Variants in NUP98 observed in about 807,000 individuals in gnomAD.
NUP98 encodes nucleoporin 98 and 96 precursor.
In NUP98, 26 loss-of-function variants were observed where a neutral mutation model predicts 191.9. The observed-to-expected ratio is 0.14, with a 90% CI of 0.10 to 0.19. The LOEUF (loss-of-function observed/expected upper bound fraction) is 0.19, where lower values mean the gene tolerates loss of function less well. Ranked by LOEUF, NUP98 falls within the 10% of genes least tolerant of loss-of-function variation. The pLI is 1.00. For synonymous variants in NUP98, 808 were observed against 778.4 expected, an observed-to-expected ratio of 1.04 and a Z score of -0.63; for missense variants, 1,941 against 2,178.8, an observed-to-expected ratio of 0.89 and a Z score of 2.17.
chr11:3,723,697 T>G lies in NUP98; in HGVS notation c.1848-242A>C, dbSNP rs149066769. Among the ~76,000 whole-genome samples the G allele has an allele frequency of 5.5e-3, 830 of 152,116 alleles. 12 individuals carry two copies. Among genetic ancestry groups the G allele is most frequent in the African/African-American group, 0.019 (791 of 41,528 alleles). ...TTAAGATTAAAAACTGAAAAAAATGTTAGATTTTTAAGATTACAATCAACA... is the reference window on the plus strand; with the variant it reads ...TTAAGATTAAAAACTGAAAAAAATGGTAGATTTTTAAGATTACAATCAACA... On this transcript the variant is annotated intron_variant, in intron 15 of 32. Coordinates refer to ENST00000324932, the MANE Select transcript of NUP98 (RefSeq NM_016320.5).
Position 3,712,416 on chromosome 11 carries a change from C to CT in NUP98, c.2742+147dup, listed in dbSNP as rs2079046782. 7 of 1,435,614 alleles carry CT rather than the reference C, an allele frequency of 4.9e-6. No homozygotes were observed. In the South Asian group the frequency reaches 1.1e-4, roughly 23 times the overall value. The allele number at this position is 1,435,614 out of a possible 1,614,324, so 88.9% of individuals were successfully genotyped here. A position where few individuals can be genotyped will look rare whatever the true frequency, so the allele number is the denominator to read the frequency against. On this transcript the variant is annotated intron_variant, in intron 20 of 32. Transcript: ENST00000324932. Reference sequence around the variant, plus strand: ...ACAGATGCCTGCAAGACCTCACGCCCTCCCTTGCACTTGTTTCAACGTGAT... The same window carrying CT: ...ACAGATGCCTGCAAGACCTCACGCCCTTCCCTTGCACTTGTTTCAACGTGAT...
At chr11:3,728,973 T>C (rs1482670523) in intron 14 of NUP98, among the ~76,000 whole-genome samples, 1 of 152,136 alleles carries the variant, frequency 6.6e-6, no homozygotes, top group Non-Finnish European at 1.5e-5. Context: ...GCAACTAGAA[T>C]GATAGTAATG....
chr11:3,749,481 C>T (rs192828115), intron 11 of NUP98, among the ~76,000 whole-genome samples: 4 of 152,080 alleles, frequency 2.6e-5, no homozygotes, highest in African/African-American at 9.7e-5. Context: ...TACAGTTAGC[C>T]GGGTGCAGTG....
At chr11:3,791,130 T>C (rs183969747) in intron 1 of NUP98, among the ~76,000 whole-genome samples, 6,535 of 151,858 alleles carry the variant, frequency 0.043, 143 homozygotes, top group Non-Finnish European at 0.049. Context: ...CTCCTGACCT[T>C]GTGATCCGCC....
intron 5 of NUP98, among the ~76,000 whole-genome samples, chr11:3,775,436 G>A (rs61896888): frequency 0.051 from 7,708 of 151,798 alleles, 258 homozygotes; most frequent in Middle Eastern, 0.099. Flanking sequence ...CTCAGGAGGC[G>A]GAGGCAGGAG....
chr11:3,712,760 T>G, intron 19 of NUP98, 32 bp from the exon 20 acceptor site: 1 of 1,601,958 alleles, frequency 6.2e-7, no homozygotes, highest in Non-Finnish European at 8.5e-7. Flanking sequence ...CAAAACAACT[T>G]AAACATTATG....
intron 10 of NUP98, among the ~76,000 whole-genome samples, chr11:3,758,719 A>T (rs959120130): frequency 5.3e-5 from 8 of 152,004 alleles, no homozygotes; most frequent in African/African-American, 1.9e-4. Context: ...AGGGAGGTGG[A>T]GGTTGCAGTG....
At chr11:3,715,439 T>G (rs770410916) in intron 18 of NUP98, among the ~76,000 whole-genome samples, 42 of 152,050 alleles carry the variant, frequency 2.8e-4, no homozygotes, top group Non-Finnish European at 5.6e-4. Context: ...GGCCATTTTT[T>G]TTTTTTCTAG....
chr11:3,711,048 G>A (rs1240827586), intron 20 of NUP98, among the ~76,000 whole-genome samples: 1 of 152,000 alleles, frequency 6.6e-6, no homozygotes, highest in Non-Finnish European at 1.5e-5. Flanking sequence ...AAGACAACAT[G>A]AGTTGAGGCC....
intron 18 of NUP98, among the ~76,000 whole-genome samples, chr11:3,714,413 CAGGAATATCGGTATGAAGA>C (rs1432151371): frequency 5.9e-5 from 9 of 152,154 alleles, no homozygotes; most frequent in African/African-American, 2.2e-4. Flanking sequence ...AATGAAGTAT[CAGGAATATCGGTATGAAGA>C]TGACTACAAG....
intron 1 of NUP98, among the ~76,000 whole-genome samples, chr11:3,785,151 G>C (rs1332563089): frequency 7.2e-6 from 1 of 138,934 alleles, no homozygotes; most frequent in African/African-American, 2.7e-5. Context: ...AAATATAAAT[G>C]AATAAAAAAA....
At chr11:3,735,476 A>G in intron 12 of NUP98, 152 bp from the exon 13 acceptor site, 1 of 344,888 alleles carries the variant, frequency 2.9e-6, no homozygotes, top group Non-Finnish European at 4.9e-6. Flanking sequence ...ATGTGTGTAG[A>G]GCAAACTGTA....
chr11:3,762,820 A>G (rs566813205), intron 9 of NUP98, 82 bp downstream of exon 9: 13 of 1,486,514 alleles, frequency 8.7e-6, no homozygotes, highest in African/African-American at 2.8e-5. Flanking sequence ...AAATACCTGC[A>G]AAACAGTCAA....
intron 23 of NUP98, among the ~76,000 whole-genome samples, chr11:3,702,067 A>C (rs944349236): frequency 6.6e-6 from 1 of 151,988 alleles, no homozygotes; most frequent in African/African-American, 2.4e-5. Flanking sequence ...AAGGTAGGAC[A>C]ATCACTTGAG....
In NUP98 at chr11:3,788,815, C is replaced by A. The variant is rs113387137; in HGVS notation, c.-28-6670G>T. 1.7e-4 allele frequency among the ~76,000 whole-genome samples: 25 copies of A among 150,410 alleles called. No homozygotes were observed. The South Asian group carries it at 5.3e-3, about 32-fold the overall frequency. The stretch of plus-strand genomic sequence containing the variant: ...ATACATAATTAGCCAGTTGTCGTGA[C>A]GCATGCCTGTCATCCCAGCTATTCG... On this transcript the variant is annotated intron_variant, in intron 1 of 32. Transcript: ENST00000324932.
At chr11:3,773,770 G>T in intron 5 of NUP98, 31 bp from the exon 6 acceptor site, 1 of 1,379,120 alleles carries the variant, frequency 7.3e-7, no homozygotes, top group Non-Finnish European at 1.0e-6. Context: ...AAATTTGTAG[G>T]TCCAAGTTTT....
At chr11:3,783,469 C>T (rs1353923415) in intron 1 of NUP98, among the ~76,000 whole-genome samples, 16 of 152,212 alleles carry the variant, frequency 1.1e-4, no homozygotes, top group Admixed American at 9.8e-4. Flanking sequence ...GAGGCCAAGG[C>T]GGGTGGATCA....
chr11:3,690,665 C>A (rs1000608192), intron 28 of NUP98, among the ~76,000 whole-genome samples: 1 of 151,868 alleles, frequency 6.6e-6, no homozygotes, highest in Non-Finnish European at 1.5e-5. Flanking sequence ...CTAATAATAC[C>A]AAATTTTAAA....
chr11:3,690,813 AAT>A (rs1440991031), intron 28 of NUP98, among the ~76,000 whole-genome samples: 1 of 152,208 alleles, frequency 6.6e-6, no homozygotes, highest in African/African-American at 2.4e-5. Context: ...TCAACAAATG[AAT>A]AGATACATAA....
Sources: gnomAD v4.1 joint callset for allele counts (sites outside exome capture counted in the v4.1 genomes callset) on GRCh38, gnomAD v4.1.1 for gene constraint, MANE v1.5 for transcripts, NCBI Gene and HGNC (gene_info 2026-07-23, HGNC 2026-07-21) for gene names.